The following RC3H2 variants were observed in gnomAD, a reference collection of about 807,000 sequenced individuals.
The protein encoded by RC3H2 is ring finger and CCCH-type domains 2, also known as roquin-2.
In RC3H2, 31 loss-of-function variants were observed where a neutral mutation model predicts 133.3. The observed-to-expected ratio is 0.23, with a 90% CI of 0.17 to 0.31. The LOEUF is 0.31. RC3H2 is among the 10% of genes least tolerant of loss of function. The probability of loss-of-function intolerance (pLI) is 1.00; values close to 1 mark genes in which losing one functional copy is unlikely to be tolerated. For synonymous variants in RC3H2, 517 were observed against 502.2 expected (o/e 1.03, Z -0.40); for missense variants, 1,175 against 1,437.2 (o/e 0.82, Z 2.95).
rs2131521466 is a variant in RC3H2 at position 122,905,207 on chromosome 9, T to G, written c.-165A>C. ...GCGCCTCGTCTCGCCGGGGCAGAGC[T>G]CGGCGGAGGTTTCACGACCTCAAAC... On this transcript the variant is annotated 5_prime_UTR_variant, in exon 1 of 21. Coordinates refer to ENST00000357244, the MANE Select transcript of RC3H2 (RefSeq NM_001100588.3). 1 of 985,318 alleles carries G rather than the reference T, an allele frequency of 1.0e-6. No individual in the cohort carries two copies. The highest frequency in any genetic ancestry group is 1.1e-4 in the East Asian group (1 of 8,762). The allele number at this position is 985,318 out of a possible 1,614,324, so 61.0% of individuals were successfully genotyped here. A position where few individuals can be genotyped will look rare whatever the true frequency, so the allele number is the denominator to read the frequency against.
At chr9:122,883,042 C>A (rs1831721508) in intron 5 of RC3H2, among the ~76,000 whole-genome samples, 162 bp downstream of exon 5, 1 of 152,144 alleles carries the variant, frequency 6.6e-6, no homozygotes, top group African/African-American at 2.4e-5. Flanking sequence ...ATGGGTACTA[C>A]CAAAAGGTGG....
At chr9:122,897,182 G>A in intron 2 of RC3H2, 97 bp downstream of exon 2, 1 of 1,001,738 alleles carries the variant, frequency 1.0e-6, no homozygotes, top group Non-Finnish European at 1.5e-6. Context: ...AGATGTCCTG[G>A]GCCACATGTA....
intron 1 of RC3H2, among the ~76,000 whole-genome samples, chr9:122,902,437 CCA>C (rs1488758930): frequency 6.6e-6 from 1 of 152,230 alleles, no homozygotes; most frequent in Admixed American, 6.5e-5. Context: ...TACTTTTATT[CCA>C]CTAACATATT....
intron 9 of RC3H2, chr9:122,875,134 C>A: frequency 1.3e-6 from 2 of 1,502,290 alleles, no homozygotes; most frequent in South Asian, 2.6e-5. Flanking sequence ...AGAACTAGTT[C>A]GATTGGGTAC....
At chr9:122,894,202 T>G (rs1588111642) in intron 2 of RC3H2, among the ~76,000 whole-genome samples, 2 of 151,234 alleles carry the variant, frequency 1.3e-5, no homozygotes, top group South Asian at 4.2e-4. Context: ...GAGCTTGCAG[T>G]GAGCCGAGAT....
At chr9:122,868,893 G>A (rs949630334) in intron 9 of RC3H2, among the ~76,000 whole-genome samples, 1 of 12,120 alleles carries the variant, frequency 8.3e-5, no homozygotes, top group African/African-American at 2.0e-4. Flanking sequence ...GTGTGTGTAT[G>A]TGTTTTTTTT....
In RC3H2 at chr9:122,848,271, T is replaced by C. The variant is rs1326445851; in HGVS notation, c.*1356A>G. On this transcript the variant is annotated 3_prime_UTR_variant, in exon 21 of 21. Transcript: ENST00000357244. ...AAAAAAATAATAATAAAAGTCAAAC[T>C]AATCTTAAAGAAACAGAAGAAAAAC... The C allele has an allele frequency of 6.6e-6, 1 of 152,028 alleles. No homozygotes were observed. Among genetic ancestry groups the C allele is most frequent in the African/African-American group, 2.4e-5 (1 of 41,398 alleles). 9.4% of individuals were successfully genotyped at this position (152,028 alleles called of 1,614,324 possible). A position where few individuals can be genotyped will look rare whatever the true frequency, so the allele number is the denominator to read the frequency against.
intron 9 of RC3H2, among the ~76,000 whole-genome samples, chr9:122,867,918 A>C: frequency 3.8e-5 from 1 of 26,412 alleles, no homozygotes; most frequent in African/African-American, 9.3e-5. Flanking sequence ...CCGCCCAGCC[A>C]GCCGCCCCGT....
Position 122,890,123 on chromosome 9 carries a change from AGAGT to A in RC3H2, c.583+185_583+188del, listed in dbSNP as rs1832098868. ...GCCACTGCACTCCAGCCTGGGTGACAGAGTGAGACCCTGTCTCAAACAAAACAAA... is the reference window on the plus strand; with the variant it reads ...GCCACTGCACTCCAGCCTGGGTGACAGAGACCCTGTCTCAAACAAAACAAA... On this transcript the variant is annotated intron_variant, in intron 4 of 20. Coordinates refer to ENST00000357244, the MANE Select transcript of RC3H2 (RefSeq NM_001100588.3). 1.6e-5 allele frequency: 10 copies of A among 619,108 alleles called. No individual in the cohort carries two copies. In the South Asian group the frequency reaches 2.0e-4, roughly 12 times the overall value. 38.4% of individuals were successfully genotyped at this position (619,108 alleles called of 1,614,324 possible). A position where few individuals can be genotyped will look rare whatever the true frequency, so the allele number is the denominator to read the frequency against.
At chr9:122,856,031 GAAA>G in intron 13 of RC3H2, among the ~76,000 whole-genome samples, 153 bp from the exon 14 acceptor site, 1 of 152,090 alleles carries the variant, frequency 6.6e-6, no homozygotes, top group Non-Finnish European at 1.5e-5. Context: ...TAATAAGCAA[GAAA>G]TGGTATTTTT....
chr9:122,854,322 G>A (rs1830163316), intron 16 of RC3H2, 56 bp from the exon 17 acceptor site: 1 of 1,432,504 alleles, frequency 7.0e-7, no homozygotes. Flanking sequence ...AGCAACAAAA[G>A]CAGTAATAAC....
At chr9:122,888,793 G>A (rs1832040334) in intron 4 of RC3H2, among the ~76,000 whole-genome samples, 1 of 152,140 alleles carries the variant, frequency 6.6e-6, no homozygotes, top group Admixed American at 6.6e-5. Flanking sequence ...TTTTATAACT[G>A]TATGCATTCT....
At chr9:122,893,669 T>G (rs1323787005) in intron 2 of RC3H2, among the ~76,000 whole-genome samples, 1 of 152,196 alleles carries the variant, frequency 6.6e-6, no homozygotes. Context: ...GTTCTCTGAA[T>G]AGTATTTTTT....
intron 2 of RC3H2, 22 bp from the exon 3 acceptor site, chr9:122,893,048 A>G (rs764704735): frequency 6.3e-7 from 1 of 1,590,452 alleles, no homozygotes; most frequent in South Asian, 1.1e-5. Context: ...AAAAAAAGGA[A>G]TATTGCAGAA....
chr9:122,905,148 G>A lies in RC3H2; in HGVS notation c.-106C>T, dbSNP rs575640902. ...GGCGGGGTCGCTAAGGGCCGCTCCC[G>A]GGAGCCCCGCGACGGCGCGGCTTGG... On this transcript the variant is annotated 5_prime_UTR_variant, in exon 1 of 21. Coordinates refer to ENST00000357244, the MANE Select transcript of RC3H2 (RefSeq NM_001100588.3). 4.3e-3 allele frequency: 4,225 copies of A among 985,432 alleles called. 5 individuals are homozygous for A. The highest frequency in any genetic ancestry group is 4.7e-3 in the Middle Eastern group (9 of 1,912). The allele number at this position is 985,432 out of a possible 1,614,324, so 61.0% of individuals were successfully genotyped here.
rs768896451 is a variant in RC3H2, at chr9:122,892,963, T to C, written c.295A>G (p.Lys99Glu). ...AGTGCCAAATCCTCAACGCATTTCT[T>C]TGCAACCTCATAGTGTTTATTCTCA... ...LGENKHYEVA[K>E]KCVEDLALYL... Residue 99 changes from lysine to glutamate, a missense_variant, in exon 3 of 21, where the codon AAG becomes GAG. By Grantham distance (56) the Lys-to-Glu change is moderately conservative. Transcript: ENST00000357244. 179 of 1,613,176 alleles carry C rather than the reference T, an allele frequency of 1.1e-4. No individual in the cohort carries two copies. The highest frequency in any genetic ancestry group is 1.3e-4 in the Non-Finnish European group (159 of 1,179,982).
intron 10 of RC3H2, among the ~76,000 whole-genome samples, chr9:122,862,483 T>C (rs1297098426): frequency 1.3e-5 from 2 of 152,208 alleles, no homozygotes; most frequent in Non-Finnish European, 2.9e-5. Flanking sequence ...AGCTCAGGTA[T>C]CATCACTTCA....
At chr9:122,905,081 G>A (rs1454957120) in intron 1 of RC3H2, 29 bp downstream of exon 1, 4 of 985,212 alleles carry the variant, frequency 4.1e-6, no homozygotes, top group Non-Finnish European at 1.2e-6. Flanking sequence ...GCTGGGGCCC[G>A]AGCCGCATCG....
chr9:122,868,806 T>C (rs1176434616), intron 9 of RC3H2, among the ~76,000 whole-genome samples: 2 of 150,694 alleles, frequency 1.3e-5, no homozygotes, highest in Admixed American at 6.6e-5. Context: ...AAAATTTCAT[T>C]ATAATATAAT....
Sources: gnomAD v4.1 joint callset for allele counts (sites outside exome capture counted in the v4.1 genomes callset) on GRCh38, gnomAD v4.1.1 for gene constraint, MANE v1.5 for transcripts, NCBI Gene and HGNC (gene_info 2026-07-23, HGNC 2026-07-21) for gene names.